Variants in RBSN observed in about 807,000 individuals in gnomAD.
RBSN encodes rabenosyn-5.
In RBSN, 34 loss-of-function variants were observed where a neutral mutation model predicts 60.5. The observed-to-expected ratio is 0.56, with a 90% confidence interval of 0.43 to 0.75. The LOEUF (loss-of-function observed/expected upper bound fraction) is 0.75, where lower values mean the gene tolerates loss of function less well. Among genes scored for constraint, RBSN ranks in the 30% least tolerant of loss-of-function variants. RBSN has a pLI of 0.00. For missense variants in RBSN, 845 were observed against 986.8 expected (o/e 0.86, Z 1.92); for synonymous variants, 322 against 366.9 (o/e 0.88, Z 1.40).
chr3:15,087,623 CTTTA>C (rs1292394696), intron 5 of RBSN, among the ~76,000 whole-genome samples: 1 of 152,136 alleles, frequency 6.6e-6, no homozygotes, highest in Non-Finnish European at 1.5e-5. Context: ...ATGCTATACT[CTTTA>C]TTTATTTTTG....
At chr3:15,090,975 C>A (rs533505743) in intron 4 of RBSN, among the ~76,000 whole-genome samples, 7 of 151,980 alleles carry the variant, frequency 4.6e-5, no homozygotes, top group African/African-American at 1.7e-4. Context: ...TGTAATCCCA[C>A]AAGGGAGGCA....
At chr3:15,091,295 A>G (rs2043511348) in intron 4 of RBSN, 1 of 1,014,530 alleles carries the variant, frequency 9.9e-7, no homozygotes, top group Admixed American at 5.4e-5. Context: ...TATAGTACTA[A>G]TTCATTTACC....
chr3:15,077,455 C>T lies in RBSN; in HGVS notation c.999-291G>A, dbSNP rs1206490027. Among the ~76,000 whole-genome samples the T allele has an allele frequency of 6.6e-6, 1 of 152,178 alleles. No individual in the cohort carries two copies. The highest frequency in any genetic ancestry group is 2.4e-5 in the African/African-American group (1 of 41,442). ...TGGAAAGGACTGGCACTTAAAAGAGCCCTGTGCTTGGTTTAATGCTCTGCT... is the reference window on the plus strand; with the variant it reads ...TGGAAAGGACTGGCACTTAAAAGAGTCCTGTGCTTGGTTTAATGCTCTGCT... On this transcript the variant is annotated intron_variant, in intron 11 of 13. Coordinates refer to ENST00000253699, the MANE Select transcript of RBSN (RefSeq NM_022340.4). The surrounding 1 kb of genome is among the most constrained non-coding windows in gnomAD (Gnocchi z 4.4).
chr3:15,076,953 A>C, intron 12 of RBSN, 109 bp downstream of exon 12: 1 of 842,534 alleles, frequency 1.2e-6, no homozygotes, highest in South Asian at 1.7e-5. Context: ...AAAAATAATA[A>C]ATGTATAAAT....
rs1225795735 is a variant in RBSN, at chr3:15,073,413, T to C, written c.*369A>G. ...GGAACCAAGACTAGGCAGTAGCAAA[T>C]GGACCCAAGAGGTACACAGCAGCCA... On this transcript the variant is annotated 3_prime_UTR_variant, in exon 14 of 14. Coordinates refer to ENST00000253699, the MANE Select transcript of RBSN (RefSeq NM_022340.4). 1 of 213,344 alleles carries C rather than the reference T, an allele frequency of 4.7e-6. No individual in the cohort carries two copies. The highest frequency in any genetic ancestry group is 2.3e-5 in the African/African-American group (1 of 42,878). 13.2% of individuals were successfully genotyped at this position (213,344 alleles called of 1,614,324 possible).
At position 15,072,398 on chromosome 3, in the gene RBSN, A is replaced by T. The variant is rs764577065; in HGVS notation, c.*1384T>A. On this transcript the variant is annotated 3_prime_UTR_variant, in exon 14 of 14. Coordinates refer to ENST00000253699, the MANE Select transcript of RBSN (RefSeq NM_022340.4). ...CAAAGTGAAACTCTGTCTCAAAAAA[A>T]ATAAAAAATCTCATCAGTGCCCCAA... 4 of 152,254 alleles carry T rather than the reference A, an allele frequency of 2.6e-5. No individual in the cohort carries two copies. The highest frequency in any genetic ancestry group is 4.4e-5 in the Non-Finnish European group (3 of 68,066). 9.4% of individuals were successfully genotyped at this position (152,254 alleles called of 1,614,324 possible).
rs867724600 is a variant in RBSN, at chr3:15,078,807, T to C, written c.912-646A>G. Among the ~76,000 whole-genome samples the C allele has an allele frequency of 2.5e-4, 30 of 120,450 alleles. 1 individual carries two copies. The highest frequency in any genetic ancestry group is 9.4e-4 in the African/African-American group (29 of 30,922). The allele number at this position is 120,450 out of a possible 152,430, so 79.0% of individuals were successfully genotyped here. On this transcript the variant is annotated intron_variant, in intron 10 of 13. Coordinates refer to ENST00000253699, the MANE Select transcript of RBSN (RefSeq NM_022340.4). ...ATATATATATATATATATATATATA[T>C]ATATATATATATATATACATGGTTT...
At chr3:15,083,187 G>A (rs548428762) in intron 8 of RBSN, among the ~76,000 whole-genome samples, 3 of 152,268 alleles carry the variant, frequency 2.0e-5, no homozygotes, top group Non-Finnish European at 4.4e-5. Context: ...CCCAGTAAAT[G>A]CTGGCTAAAG....
At position 15,096,683 on chromosome 3, in the gene RBSN, T is replaced by C. The variant is rs1264970878; in HGVS notation, c.-317A>G. 1 of 152,226 alleles carries C rather than the reference T, an allele frequency of 6.6e-6. No homozygotes were observed. Among genetic ancestry groups the C allele is most frequent in the Non-Finnish European group, 1.5e-5 (1 of 68,056 alleles). 9.4% of individuals were successfully genotyped at this position (152,226 alleles called of 1,614,324 possible). A position where few individuals can be genotyped will look rare whatever the true frequency, so the allele number is the denominator to read the frequency against. On this transcript the variant is annotated 5_prime_UTR_variant, in exon 3 of 14. Coordinates refer to ENST00000253699, the MANE Select transcript of RBSN (RefSeq NM_022340.4). The stretch of plus-strand genomic sequence containing the variant: ...CCTTGATTGTTTATTCAACCACATA[T>C]AGTAAGTTCTTGATACTTGTAAGAC...
At position 15,084,948 on chromosome 3, in the gene RBSN, G is replaced by C; in HGVS notation, c.436+52C>G. On this transcript the variant is annotated intron_variant, in intron 7 of 13. Transcript: ENST00000253699. The surrounding 1 kb of genome is among the most constrained non-coding windows in gnomAD (Gnocchi z 4.2). ...AGCAGGCCATTTTAAAGAGAGCTTTGGTCAGGGAAAAAAAGATAATAAGAT... is the reference window on the plus strand; with the variant it reads ...AGCAGGCCATTTTAAAGAGAGCTTTCGTCAGGGAAAAAAAGATAATAAGAT... 6.2e-7 allele frequency: 1 copy of C among 1,613,758 alleles called. No homozygotes were observed. The highest frequency in any genetic ancestry group is 8.5e-7 in the Non-Finnish European group (1 of 1,179,836).
At position 15,084,727 on chromosome 3, in the gene RBSN, T is replaced by G; in HGVS notation, c.598+8A>C. 1 of 1,580,628 alleles carries G rather than the reference T, an allele frequency of 6.3e-7. No individual in the cohort carries two copies. The highest frequency in any genetic ancestry group is 8.6e-7 in the Non-Finnish European group (1 of 1,164,090). On this transcript the variant is annotated splice_region_variant and intron_variant, in intron 8 of 13. Coordinates refer to ENST00000253699, the MANE Select transcript of RBSN (RefSeq NM_022340.4). The surrounding 1 kb of genome is among the most constrained non-coding windows in gnomAD (Gnocchi z 4.2). ...GAGGGTCCAGGGCCCCACCTCCAAG[T>G]CACCTACTTGCCAAGGGAAGGCTGA... is the stretch of plus-strand genomic sequence containing the variant.
chr3:15,070,338 A>G lies in RBSN; in HGVS notation c.*3444T>C, dbSNP rs1021990482. ...AAAGACATATTGAGCTGCAAGTACAATGAGTAAGTATCCTTAGTGTATTAG... is the reference window on the plus strand; with the variant it reads ...AAAGACATATTGAGCTGCAAGTACAGTGAGTAAGTATCCTTAGTGTATTAG... On this transcript the variant is annotated 3_prime_UTR_variant, in exon 14 of 14. Coordinates refer to ENST00000253699, the MANE Select transcript of RBSN (RefSeq NM_022340.4). 7.9e-5 allele frequency: 12 copies of G among 152,648 alleles called. No individual in the cohort carries two copies. The highest frequency in any genetic ancestry group is 2.9e-4 in the African/African-American group (12 of 41,448). 9.5% of individuals were successfully genotyped at this position (152,648 alleles called of 1,614,324 possible). A position where few individuals can be genotyped will look rare whatever the true frequency, so the allele number is the denominator to read the frequency against.
At chr3:15,094,482 T>C (rs2043600248) in intron 4 of RBSN, among the ~76,000 whole-genome samples, 2 of 152,226 alleles carry the variant, frequency 1.3e-5, no homozygotes, top group African/African-American at 4.8e-5. Flanking sequence ...ACTCAACATC[T>C]CTTGAGCCTC....
rs1176159939 is a variant in RBSN at position 15,074,610 on chromosome 3, C to T, written c.1527G>A (p.Arg509=). ...GCAGGTCCTCCTCCTCAGCCTGCCT[C>T]CGGGACAGCTCGATGGCCTTCTCTG... ...QQTEKAIELS[R]RQAEEEDLQR... The change falls in exon 14 of 14, where the codon CGG becomes CGA. Residue 509 remains arginine (R), a synonymous_variant. Transcript: ENST00000253699. The surrounding 1 kb of genome is among the most constrained non-coding windows in gnomAD (Gnocchi z 6.4). The T allele has an allele frequency of 1.2e-6, 2 of 1,614,256 alleles. No individual in the cohort carries two copies. The highest frequency in any genetic ancestry group is 1.7e-6 in the Non-Finnish European group (2 of 1,180,042).
Position 15,071,758 on chromosome 3 carries a change from C to A in RBSN, c.*2024G>T, listed in dbSNP as rs890799779. On this transcript the variant is annotated 3_prime_UTR_variant, in exon 14 of 14. Transcript: ENST00000253699. The stretch of plus-strand genomic sequence containing the variant: ...TCCCATTATCAAGAGGGGTCTTCAC[C>A]AGAATGTAACAAAATGAATTTCAGC... 2 of 152,572 alleles carry A rather than the reference C, an allele frequency of 1.3e-5. No homozygotes were observed. The highest frequency in any genetic ancestry group is 2.1e-4 in the South Asian group (1 of 4,830). 9.5% of individuals were successfully genotyped at this position (152,572 alleles called of 1,614,324 possible).
In RBSN at chr3:15,082,725, C is replaced by T. The variant is rs1445514015; in HGVS notation, c.599-117G>A. On this transcript the variant is annotated intron_variant, in intron 8 of 13. Coordinates refer to ENST00000253699, the MANE Select transcript of RBSN (RefSeq NM_022340.4). The surrounding 1 kb of genome is among the most constrained non-coding windows in gnomAD (Gnocchi z 4.2). ...TTTGGAGAGTAATAAGATCAGGCTC[C>T]AGCTGTGGGCACGTACTGCCCCTCT... 2.8e-6 allele frequency: 4 copies of T among 1,427,324 alleles called. No homozygotes were observed. The highest frequency in any genetic ancestry group is 1.4e-5 in the African/African-American group (1 of 70,780). The allele number at this position is 1,427,324 out of a possible 1,614,324, so 88.4% of individuals were successfully genotyped here.
intron 4 of RBSN, among the ~76,000 whole-genome samples, chr3:15,093,706 G>A (rs2043576703): frequency 6.6e-6 from 1 of 151,630 alleles, no homozygotes; most frequent in South Asian, 2.1e-4. Context: ...ACTTTATTTT[G>A]TTTTTTTGTT....
intron 5 of RBSN, 54 bp downstream of exon 5, chr3:15,090,345 A>G: frequency 1.3e-6 from 2 of 1,596,834 alleles, no homozygotes; most frequent in Non-Finnish European, 1.7e-6. Context: ...CTTTACCTAG[A>G]ACATAGCAGA....
intron 4 of RBSN, among the ~76,000 whole-genome samples, chr3:15,094,100 T>A (rs2043587458): frequency 6.6e-6 from 1 of 152,180 alleles, no homozygotes; most frequent in Admixed American, 6.5e-5. Context: ...CTAAATAACC[T>A]TAAACATTTT....
Sources: gnomAD v4.1 joint callset for allele counts (sites outside exome capture counted in the v4.1 genomes callset) on GRCh38, gnomAD v4.1.1 for gene constraint, Gnocchi (gnomAD v3.1) non-coding constraint, MANE v1.5 for transcripts, NCBI Gene and HGNC (gene_info 2026-07-23, HGNC 2026-07-21) for gene names.